TRAPPC9: variants seen among roughly 807,000 people sequenced by gnomAD.
TRAPPC9 encodes trafficking protein particle complex subunit 9, also known as IKK2 binding protein.
A neutral mutation model predicts 124.0 loss-of-function variants in TRAPPC9; 83 were observed. That is an observed-to-expected ratio of 0.67 (90% confidence interval 0.56 to 0.80). The LOEUF is 0.80. Among genes scored for constraint, TRAPPC9 ranks in the 30% least tolerant of loss-of-function variants. The probability of loss-of-function intolerance (pLI) is 0.00; values close to 1 mark genes in which losing one functional copy is unlikely to be tolerated. For synonymous variants in TRAPPC9, 638 were observed against 617.5 expected (o/e 1.03, Z -0.49); for missense variants, 1,302 against 1,508.3 (o/e 0.86, Z 2.27).
At chr8:140,047,989 C>T (rs181971446) in intron 17 of TRAPPC9, among the ~76,000 whole-genome samples, 131 of 152,288 alleles carry the variant, frequency 8.6e-4, no homozygotes, top group African/African-American at 2.9e-3. Flanking sequence ...CAAACAAGGA[C>T]GCATGTGCAG....
intron 21 of TRAPPC9, among the ~76,000 whole-genome samples, chr8:139,835,258 G>A (rs1053347066): frequency 3.3e-5 from 5 of 152,164 alleles, no homozygotes; most frequent in African/African-American, 1.2e-4. Context: ...CACCCACTTC[G>A]AGCAGAACAG....
chr8:140,124,421 G>A (rs1244970429), intron 17 of TRAPPC9, among the ~76,000 whole-genome samples: 1 of 152,176 alleles, frequency 6.6e-6, no homozygotes, highest in Non-Finnish European at 1.5e-5. Flanking sequence ...ATGACACTGG[G>A]CCCATCTGGA....
At chr8:139,917,167 C>CTTTATTTTTTTTTTTT (rs1554671852) in intron 19 of TRAPPC9, among the ~76,000 whole-genome samples, 1 of 99,926 alleles carries the variant, frequency 1.0e-5, no homozygotes, top group African/African-American at 4.3e-5. Context: ...TTATTATTTT[C>CTTTATTTTTTTTTTTT]TTTTTTTTTT....
chr8:140,162,707 GGGCCGGCACAGT>G (rs1195555723), intron 17 of TRAPPC9, among the ~76,000 whole-genome samples: 1 of 152,174 alleles, frequency 6.6e-6, no homozygotes, highest in African/African-American at 2.4e-5. Context: ...ATGGTTACAG[GGGCCGGCACAGT>G]GGCTCATGCT....
At chr8:140,053,355 C>T (rs572053074) in intron 17 of TRAPPC9, among the ~76,000 whole-genome samples, 4 of 152,210 alleles carry the variant, frequency 2.6e-5, no homozygotes, top group African/African-American at 9.6e-5. Flanking sequence ...AATTGGCACA[C>T]ATTTGTGAAT....
At chr8:139,945,659 A>C (rs1834169722) in intron 19 of TRAPPC9, among the ~76,000 whole-genome samples, 1 of 151,998 alleles carries the variant, frequency 6.6e-6, no homozygotes, top group Admixed American at 6.6e-5. Flanking sequence ...ACTACAGCAA[A>C]CAACTTCAGG....
chr8:140,006,822 G>A (rs541737171), intron 18 of TRAPPC9, among the ~76,000 whole-genome samples: 6 of 152,244 alleles, frequency 3.9e-5, no homozygotes, highest in South Asian at 2.1e-4. Flanking sequence ...CCTAGGGTGC[G>A]GGAGGGAAGT....
At chr8:140,045,173 A>C (rs1339590554) in intron 17 of TRAPPC9, among the ~76,000 whole-genome samples, 1 of 152,190 alleles carries the variant, frequency 6.6e-6, no homozygotes, top group Non-Finnish European at 1.5e-5. Flanking sequence ...CCAAGGTCAG[A>C]CACCAGTCCA....
At chr8:140,219,740 G>A (rs946102168) in intron 17 of TRAPPC9, among the ~76,000 whole-genome samples, 2 of 152,148 alleles carry the variant, frequency 1.3e-5, no homozygotes, top group Admixed American at 6.5e-5. Flanking sequence ...CGGGGCAAAC[G>A]AGCCTGTTGG....
chr8:139,757,325 G>C (rs1336438466), intron 21 of TRAPPC9, among the ~76,000 whole-genome samples: 2 of 146,748 alleles, frequency 1.4e-5, no homozygotes, highest in African/African-American at 5.1e-5. Flanking sequence ...GAGGAGCCAG[G>C]GATTGGGGAT....
intron 17 of TRAPPC9, among the ~76,000 whole-genome samples, chr8:140,065,074 A>C (rs944063946): frequency 6.6e-6 from 1 of 152,232 alleles, no homozygotes; most frequent in African/African-American, 2.4e-5. Context: ...ATAACCAAGG[A>C]AGACATTATA....
rs61323669 is a variant in TRAPPC9 at position 139,895,642 on chromosome 8, A to G, written c.2965-9673T>C. On this transcript the variant is annotated intron_variant, in intron 20 of 22. Transcript: ENST00000438773. ...CAAAATTAAATGTTGAGAGTTCACT[A>G]TGGGCCTGGGACGCTGGGACACAGC... Among the ~76,000 whole-genome samples, 1,361 of 152,348 alleles carry G rather than the reference A, an allele frequency of 8.9e-3. 19 individuals carry two copies. The highest frequency in any genetic ancestry group is 0.031 in the African/African-American group (1,275 of 41,584).
intron 21 of TRAPPC9, among the ~76,000 whole-genome samples, chr8:139,879,449 G>A (rs1299371304): frequency 6.6e-6 from 1 of 152,212 alleles, no homozygotes; most frequent in Non-Finnish European, 1.5e-5. Flanking sequence ...CCACCACACC[G>A]TGGCTGGCTA....
intron 17 of TRAPPC9, among the ~76,000 whole-genome samples, chr8:140,027,708 A>T (rs1840239930): frequency 6.6e-6 from 1 of 152,200 alleles, no homozygotes; most frequent in Non-Finnish European, 1.5e-5. Flanking sequence ...ATTTATAAAG[A>T]AAAGAGGTTT....
At chr8:140,277,427 C>G (rs1336380821) in intron 14 of TRAPPC9, among the ~76,000 whole-genome samples, 1 of 152,262 alleles carries the variant, frequency 6.6e-6, no homozygotes, top group East Asian at 1.9e-4. Flanking sequence ...CACCTTTCAG[C>G]AGGCAGCCTT....
intron 19 of TRAPPC9, among the ~76,000 whole-genome samples, chr8:139,945,949 A>G (rs1034864939): frequency 2.6e-5 from 4 of 152,238 alleles, no homozygotes; most frequent in African/African-American, 9.6e-5. Context: ...TAGTGGTACA[A>G]TCACTGCTGT....
chr8:140,344,093 G>C (rs1325450142), intron 9 of TRAPPC9, among the ~76,000 whole-genome samples: 2 of 152,118 alleles, frequency 1.3e-5, no homozygotes, highest in East Asian at 1.9e-4. Context: ...GGCCTTTGTG[G>C]GGGCGATCAG....
intron 16 of TRAPPC9, among the ~76,000 whole-genome samples, chr8:140,232,841 C>T (rs1332887018): frequency 2.0e-5 from 3 of 152,178 alleles, no homozygotes; most frequent in Non-Finnish European, 2.9e-5. Flanking sequence ...AAAACCAGAA[C>T]ACTGTCAGTT....
At chr8:140,343,678 G>T (rs1175480402) in intron 9 of TRAPPC9, among the ~76,000 whole-genome samples, 1 of 152,152 alleles carries the variant, frequency 6.6e-6, no homozygotes, top group Non-Finnish European at 1.5e-5. Flanking sequence ...ACTTGTCAAA[G>T]CCTGTGTCTC....
Sources: allele counts gnomAD v4.1 joint callset (sites outside exome capture counted in the v4.1 genomes callset), GRCh38; gene constraint gnomAD v4.1.1; transcripts MANE v1.5; gene names NCBI Gene and HGNC (gene_info 2026-07-23, HGNC 2026-07-21).